ANO2: variants seen among roughly 807,000 people sequenced by gnomAD.
The protein encoded by ANO2 is anoctamin-2.
Under a neutral mutation model 124.2 loss-of-function variants are expected in ANO2, and 101 were observed. That is an observed-to-expected ratio of 0.81 (90% CI 0.69 to 0.96). The LOEUF is 0.96. Among genes scored for constraint, ANO2 ranks in the 40% least tolerant of loss-of-function variants. The pLI is 0.00. For synonymous variants in ANO2, 486 were observed against 482.5 expected (o/e 1.01, Z -0.09); for missense variants, 1,293 against 1,274.5 (o/e 1.01, Z -0.22).
At chr12:5,620,270 GCCAGGGGACCAA>G (rs1945044105) in intron 16 of ANO2, among the ~76,000 whole-genome samples, 1 of 152,226 alleles carries the variant, frequency 6.6e-6, no homozygotes, top group Non-Finnish European at 1.5e-5. Context: ...AGGCAGCAGA[GCCAGGGGACCAA>G]CAGCATCTGT....
At chr12:5,653,913 C>T (rs1947039646) in intron 14 of ANO2, among the ~76,000 whole-genome samples, 1 of 152,110 alleles carries the variant, frequency 6.6e-6, no homozygotes, top group Non-Finnish European at 1.5e-5. Context: ...AGAGAAAGCA[C>T]CATATGCAAA....
intron 8 of ANO2, among the ~76,000 whole-genome samples, chr12:5,806,679 C>T (rs1200582490): frequency 6.6e-6 from 1 of 152,196 alleles, no homozygotes; most frequent in South Asian, 2.1e-4. Context: ...TGCATTGTAT[C>T]ATGGTATGTT....
chr12:5,665,262 A>G (rs1947642831), intron 14 of ANO2, among the ~76,000 whole-genome samples: 2 of 152,068 alleles, frequency 1.3e-5, no homozygotes, highest in African/African-American at 4.8e-5. Context: ...CATCACTGCA[A>G]TCTTCTCATC....
At chr12:5,736,269 CCGGACTTAAGCCCTACTGCTTGTTCTA>C (rs1950858396) in intron 13 of ANO2, among the ~76,000 whole-genome samples, 1 of 152,170 alleles carries the variant, frequency 6.6e-6, no homozygotes, top group Non-Finnish European at 1.5e-5. Flanking sequence ...GGTTTCCAAG[CCGGACTTAAGCCCTACTGCTTGTTCTA>C]CCCCTCCTGG....
At chr12:5,839,054 T>C (rs950349689) in intron 4 of ANO2, among the ~76,000 whole-genome samples, 1 of 152,172 alleles carries the variant, frequency 6.6e-6, no homozygotes, top group Admixed American at 6.5e-5. Flanking sequence ...CATGAAATAA[T>C]GATTTTCAAG....
chr12:5,719,692 T>G (rs1950151609), intron 14 of ANO2, among the ~76,000 whole-genome samples: 1 of 152,180 alleles, frequency 6.6e-6, no homozygotes, highest in Non-Finnish European at 1.5e-5. Flanking sequence ...AGAAATAAGT[T>G]TCTGTTGTCT....
rs191966316 is a variant in ANO2, at chr12:5,868,378, A to T, written c.535-14237T>A. 1.9e-3 allele frequency among the ~76,000 whole-genome samples: 282 copies of T among 152,262 alleles called. 3 individuals are homozygous for T. Among genetic ancestry groups the T allele is most frequent in the Admixed American group, 0.016 (248 of 15,294 alleles). On this transcript the variant is annotated intron_variant, in intron 3 of 24. Coordinates refer to ENST00000682330, the MANE Select transcript of ANO2 (RefSeq NM_001364791.2). The stretch of plus-strand genomic sequence containing the variant: ...GCCACTTACTCCCTGTGTGACGTTG[A>T]TATGTAACATGATCTCTCTGAGTCT...
chr12:5,652,886 C>T (rs538709743), intron 14 of ANO2, among the ~76,000 whole-genome samples: 351 of 152,224 alleles, frequency 2.3e-3, no homozygotes, highest in Middle Eastern at 0.01. Context: ...ATACTTTACT[C>T]TTCAGAAGAA....
intron 1 of ANO2, among the ~76,000 whole-genome samples, chr12:5,926,507 C>T (rs939934135): frequency 5.3e-5 from 8 of 152,192 alleles, no homozygotes; most frequent in African/African-American, 1.9e-4. Flanking sequence ...TCCCGCCATA[C>T]ACCTCTGCTC....
chr12:5,680,438 G>A (rs982537957), intron 14 of ANO2, among the ~76,000 whole-genome samples: 3 of 152,140 alleles, frequency 2.0e-5, no homozygotes, highest in African/African-American at 4.8e-5. Flanking sequence ...AGTAAGGAAC[G>A]GCTAAAATAA....
At chr12:5,730,118 G>A (rs961451699) in intron 14 of ANO2, among the ~76,000 whole-genome samples, 1 of 151,262 alleles carries the variant, frequency 6.6e-6, no homozygotes, top group African/African-American at 2.4e-5. Context: ...ATATTGAATT[G>A]TGCATATATA....
intron 14 of ANO2, among the ~76,000 whole-genome samples, chr12:5,667,734 T>C (rs545693997): frequency 6.6e-6 from 1 of 152,306 alleles, no homozygotes; most frequent in South Asian, 2.1e-4. Context: ...CCAGTGTGTG[T>C]TGCTCCCCTC....
chr12:5,931,180 G>C (rs1425974375), intron 1 of ANO2, among the ~76,000 whole-genome samples: 3 of 152,006 alleles, frequency 2.0e-5, no homozygotes, highest in Non-Finnish European at 4.4e-5. Context: ...TGACATACAG[G>C]GTCTTTCATG....
rs2136310415 is a variant in ANO2, at chr12:5,925,961, T to C, written c.23-3157A>G. 6.6e-6 allele frequency among the ~76,000 whole-genome samples: 1 copy of C among 152,334 alleles called. No homozygotes were observed. Among genetic ancestry groups the C allele is most frequent in the East Asian group, 1.9e-4 (1 of 5,178 alleles). On this transcript the variant is annotated intron_variant, in intron 1 of 24. Transcript: ENST00000682330. The surrounding 1 kb of genome is among the most constrained non-coding windows in gnomAD (Gnocchi z 4.6). ...TTAAGTTTCACTCTAACTCTTGCTCTCCTGCAGGCACCAGGTCCACACATT... is the reference window on the plus strand; with the variant it reads ...TTAAGTTTCACTCTAACTCTTGCTCCCCTGCAGGCACCAGGTCCACACATT...
chr12:5,901,670 G>A (rs987874629), intron 3 of ANO2, among the ~76,000 whole-genome samples: 1 of 152,170 alleles, frequency 6.6e-6, no homozygotes, highest in African/African-American at 2.4e-5. Context: ...ACGAGAGATG[G>A]AGGAACTCAA....
At chr12:5,814,467 G>C (rs1860959) in intron 7 of ANO2, among the ~76,000 whole-genome samples, 89,558 of 152,120 alleles carry the variant, frequency 0.59, 26,698 homozygotes, top group East Asian at 0.71. Context: ...ACATCAGGAA[G>C]ACCTTCTCCG....
At chr12:5,679,355 G>A (rs1159995086) in intron 14 of ANO2, among the ~76,000 whole-genome samples, 6 of 152,092 alleles carry the variant, frequency 3.9e-5, no homozygotes, top group African/African-American at 7.2e-5. Flanking sequence ...TAGATGACCC[G>A]CAGAATGGGA....
At chr12:5,943,291 G>GTC (rs1223305412) in intron 1 of ANO2, among the ~76,000 whole-genome samples, 3 of 151,682 alleles carry the variant, frequency 2.0e-5, no homozygotes, top group African/African-American at 7.3e-5. Flanking sequence ...GTGTGTGTGT[G>GTC]TGTGTGTGTG....
chr12:5,877,528 GC>G (rs373436017), intron 3 of ANO2, among the ~76,000 whole-genome samples: 15 of 152,286 alleles, frequency 9.8e-5, no homozygotes, highest in African/African-American at 3.6e-4. Flanking sequence ...AACATGAGGG[GC>G]CCAGGCTGGG....
Sources: allele counts gnomAD v4.1 joint callset (sites outside exome capture counted in the v4.1 genomes callset), GRCh38; gene constraint gnomAD v4.1.1; non-coding constraint Gnocchi (gnomAD v3.1); transcripts MANE v1.5; gene names NCBI Gene and HGNC (gene_info 2026-07-23, HGNC 2026-07-21).